The following ZFYVE9 variants were observed in gnomAD, a reference collection of about 807,000 sequenced individuals.
ZFYVE9 encodes the protein zinc finger FYVE domain-containing protein 9.
ZFYVE9 carries 43 observed loss-of-function variants against 126.7 expected under a neutral mutation model. The observed-to-expected ratio is 0.34, with a 90% CI of 0.27 to 0.44. The LOEUF is 0.44. ZFYVE9 is among the 20% of genes least tolerant of loss of function. The probability of loss-of-function intolerance (pLI) is 1.00; values close to 1 mark genes in which losing one functional copy is unlikely to be tolerated. For synonymous variants in ZFYVE9, 521 were observed against 597.4 expected, an observed-to-expected ratio of 0.87 and a Z score of 1.87; for missense variants, 1,476 against 1,697.0, an observed-to-expected ratio of 0.87 and a Z score of 2.29.
At chr1:52,307,722 T>G (rs1348071558) in intron 13 of ZFYVE9, among the ~76,000 whole-genome samples, 9 of 152,058 alleles carry the variant, frequency 5.9e-5, no homozygotes, top group Non-Finnish European at 1.2e-4. Flanking sequence ...TTTTCTTACC[T>G]GATTAGCAAA....
At chr1:52,303,224 A>G (rs879260248) in intron 12 of ZFYVE9, among the ~76,000 whole-genome samples, 1 of 152,164 alleles carries the variant, frequency 6.6e-6, no homozygotes, top group Non-Finnish European at 1.5e-5. Context: ...CTTACCACCT[A>G]TTCATTACCA....
chr1:52,182,765 TAAAAA>T (rs34582292), intron 1 of ZFYVE9, among the ~76,000 whole-genome samples: 2 of 150,334 alleles, frequency 1.3e-5, no homozygotes, highest in African/African-American at 4.9e-5. Context: ...AAATAAAAAA[TAAAAA>T]AAAATAAATA....
At chr1:52,344,447 CTT>C (rs1646466849) in intron 17 of ZFYVE9, among the ~76,000 whole-genome samples, 1 of 152,174 alleles carries the variant, frequency 6.6e-6, no homozygotes, top group Non-Finnish European at 1.5e-5. Context: ...CAGGGATTAC[CTT>C]TTAGTGGCAT....
chr1:52,279,377 A>G (rs749830150), intron 9 of ZFYVE9, among the ~76,000 whole-genome samples: 3 of 152,206 alleles, frequency 2.0e-5, no homozygotes, highest in African/African-American at 4.8e-5. Context: ...CACACAGTAA[A>G]GCTTCAATAC....
At chr1:52,300,787 A>G (rs1270703717) in intron 12 of ZFYVE9, among the ~76,000 whole-genome samples, 1 of 149,562 alleles carries the variant, frequency 6.7e-6, no homozygotes, top group Non-Finnish European at 1.5e-5. Flanking sequence ...CAACATCTTT[A>G]TTTGATCTTC....
At chr1:52,317,007 G>A (rs949754678) in intron 13 of ZFYVE9, among the ~76,000 whole-genome samples, 1 of 152,136 alleles carries the variant, frequency 6.6e-6, no homozygotes, top group Non-Finnish European at 1.5e-5. Flanking sequence ...TGACCACACA[G>A]CTTTAAATAA....
intron 1 of ZFYVE9, among the ~76,000 whole-genome samples, chr1:52,152,407 G>A (rs679086): frequency 0.011 from 1,702 of 152,132 alleles, 34 homozygotes; most frequent in African/African-American, 0.039. Context: ...CACCCTCACC[G>A]TATCCGAGAC....
At chr1:52,170,469 T>C (rs1644556782) in intron 1 of ZFYVE9, among the ~76,000 whole-genome samples, 1 of 152,172 alleles carries the variant, frequency 6.6e-6, no homozygotes, top group Non-Finnish European at 1.5e-5. Context: ...TTTTTCCTTT[T>C]AATTTTCAAA....
At chr1:52,244,955 C>T (rs910370480) in intron 4 of ZFYVE9, among the ~76,000 whole-genome samples, 5 of 152,006 alleles carry the variant, frequency 3.3e-5, no homozygotes, top group Admixed American at 2.6e-4. Context: ...ATCATGAGTT[C>T]GAGACCAGCC....
intron 13 of ZFYVE9, among the ~76,000 whole-genome samples, chr1:52,311,954 C>A (rs961090946): frequency 6.6e-6 from 1 of 151,922 alleles, no homozygotes; most frequent in African/African-American, 2.4e-5. Context: ...CCATGCCCAG[C>A]TAATTTTTGT....
intron 1 of ZFYVE9, among the ~76,000 whole-genome samples, chr1:52,161,672 A>G (rs1408510657): frequency 1.3e-5 from 2 of 152,208 alleles, no homozygotes; most frequent in African/African-American, 4.8e-5. Flanking sequence ...CTTAATTTTT[A>G]GGGCTCAAAA....
At chr1:52,206,332 G>A (rs1387442608) in intron 1 of ZFYVE9, among the ~76,000 whole-genome samples, 1 of 152,186 alleles carries the variant, frequency 6.6e-6, no homozygotes. Flanking sequence ...GAAAGTATAT[G>A]TGTGTATGGC....
chr1:52,252,854 A>T (rs1451455570), intron 4 of ZFYVE9: 1 of 242,048 alleles, frequency 4.1e-6, no homozygotes, highest in Admixed American at 4.7e-5. Context: ...CCTTTACCAG[A>T]GAGTGACACA....
At chr1:52,271,404 A>G (rs1205749906) in intron 7 of ZFYVE9, among the ~76,000 whole-genome samples, 1 of 152,206 alleles carries the variant, frequency 6.6e-6, no homozygotes, top group Non-Finnish European at 1.5e-5. Flanking sequence ...ACAAGTGCCC[A>G]GTAAATGAAG....
intron 1 of ZFYVE9, among the ~76,000 whole-genome samples, chr1:52,184,740 G>C (rs907698195): frequency 6.6e-6 from 1 of 152,062 alleles, no homozygotes; most frequent in African/African-American, 2.4e-5. Context: ...CAGTGTAAAA[G>C]AATTGAAAAA....
Position 52,237,099 on chromosome 1 carries a change from T to C in ZFYVE9, c.71-389T>C, listed in dbSNP as rs141389132. ...CATTCAGTCTCTACAGAAAACTTCA[T>C]TTTCCTTCCTGCTTAATTAGTTATC... On this transcript the variant is annotated intron_variant, in intron 3 of 18. Transcript: ENST00000287727. Among the ~76,000 whole-genome samples the C allele has an allele frequency of 4.0e-3, 616 of 152,194 alleles. 1 individual carries two copies. The highest frequency in any genetic ancestry group is 6.5e-3 in the Admixed American group (99 of 15,282).
At chr1:52,144,832 T>C (rs1335025380) in intron 1 of ZFYVE9, among the ~76,000 whole-genome samples, 1 of 152,192 alleles carries the variant, frequency 6.6e-6, no homozygotes, top group East Asian at 1.9e-4. Context: ...ACCAATGTCA[T>C]TGTCTGTAAA....
At chr1:52,210,633 GCTTA>G (rs1645019497) in intron 1 of ZFYVE9, among the ~76,000 whole-genome samples, 1 of 152,204 alleles carries the variant, frequency 6.6e-6, no homozygotes, top group East Asian at 1.9e-4. Flanking sequence ...GATTGATTGG[GCTTA>G]CTTAATTAGG....
intron 1 of ZFYVE9, among the ~76,000 whole-genome samples, chr1:52,177,398 T>C (rs1644645939): frequency 6.6e-6 from 1 of 152,148 alleles, no homozygotes; most frequent in Non-Finnish European, 1.5e-5. Flanking sequence ...TCCATCCGCC[T>C]CGCCGCACAA....
Sources: allele counts gnomAD v4.1 joint callset (sites outside exome capture counted in the v4.1 genomes callset), GRCh38; gene constraint gnomAD v4.1.1; transcripts MANE v1.5; gene names NCBI Gene and HGNC (gene_info 2026-07-23, HGNC 2026-07-21).